PRUNE2: variants seen among roughly 807,000 people sequenced by gnomAD.
The protein encoded by PRUNE2 is prune homolog 2 with BCH domain.
Under a neutral mutation model 252.0 loss-of-function variants are expected in PRUNE2, and 164 were observed. The ratio of observed to expected loss-of-function variants is 0.65; its 90% confidence interval spans 0.57 to 0.74. The LOEUF is 0.74. Among genes scored for constraint, PRUNE2 ranks in the 30% least tolerant of loss-of-function variants. The pLI is 0.00. For synonymous variants in PRUNE2, 1,292 were observed against 1,350.2 expected, an observed-to-expected ratio of 0.96 and a Z score of 0.94; for missense variants, 3,495 against 3,711.0, an observed-to-expected ratio of 0.94 and a Z score of 1.51.
chr9:76,653,156 C>T (rs995937130), intron 10 of PRUNE2, among the ~76,000 whole-genome samples: 2 of 152,090 alleles, frequency 1.3e-5, no homozygotes, highest in African/African-American at 4.8e-5. Context: ...GGTTAGATAA[C>T]TAGTTTTTAG....
intron 12 of PRUNE2, among the ~76,000 whole-genome samples, chr9:76,640,813 A>G (rs906662993): frequency 1.3e-5 from 2 of 152,248 alleles, no homozygotes; most frequent in East Asian, 1.9e-4. Flanking sequence ...ACAGACGTTC[A>G]TTAAAAGAGA....
chr9:76,627,625 C>A (rs1162820528), intron 16 of PRUNE2, among the ~76,000 whole-genome samples: 11 of 152,022 alleles, frequency 7.2e-5, no homozygotes, highest in Non-Finnish European at 2.9e-5. Context: ...TGTGTTCACG[C>A]CCGATATTGC....
intron 9 of PRUNE2, among the ~76,000 whole-genome samples, chr9:76,663,744 T>C (rs2039597129): frequency 6.6e-6 from 1 of 152,246 alleles, no homozygotes; most frequent in Admixed American, 6.5e-5. Flanking sequence ...ACTCCTTGGC[T>C]GTGAATGATG....
At chr9:76,746,621 C>T (rs901083414) in intron 6 of PRUNE2, among the ~76,000 whole-genome samples, 2 of 141,946 alleles carry the variant, frequency 1.4e-5, no homozygotes, top group Admixed American at 7.6e-5. Flanking sequence ...AGGAGAATGG[C>T]GTGAACCCGG....
At chr9:76,811,341 G>C (rs751051477) in intron 6 of PRUNE2, among the ~76,000 whole-genome samples, 1 of 152,168 alleles carries the variant, frequency 6.6e-6, no homozygotes, top group Non-Finnish European at 1.5e-5. Context: ...AAAAAGCTAC[G>C]TCTTAATTCC....
intron 10 of PRUNE2, among the ~76,000 whole-genome samples, chr9:76,655,126 A>G (rs1848716491): frequency 6.6e-6 from 1 of 152,212 alleles, no homozygotes; most frequent in African/African-American, 2.4e-5. Flanking sequence ...CTTAGACATT[A>G]GTCAGAATTT....
rs71354667 is a variant in PRUNE2, at chr9:76,636,973, A to ATGTGTGTG, written c.8964-424_8964-417dup. Reference sequence around the variant, plus strand: ...TCCAACAACAACGACAACAACAAAAATGTGTGTGTGTGTGTGTGTGTGTGT... The same window carrying ATGTGTGTG: ...TCCAACAACAACGACAACAACAAAAATGTGTGTGTGTGTGTGTGTGTGTGTGTGTGTGT... On this transcript the variant is annotated intron_variant, in intron 14 of 18. Coordinates refer to ENST00000376718, the MANE Select transcript of PRUNE2 (RefSeq NM_015225.3). Among the ~76,000 whole-genome samples the ATGTGTGTG allele has an allele frequency of 1.3e-3, 195 of 145,494 alleles. 1 individual carries two copies. Among genetic ancestry groups the ATGTGTGTG allele is most frequent in the African/African-American group, 4.7e-3 (178 of 37,694 alleles).
intron 1 of PRUNE2, among the ~76,000 whole-genome samples, chr9:76,892,665 C>G (rs937341396): frequency 6.6e-6 from 1 of 152,078 alleles, no homozygotes; most frequent in Non-Finnish European, 1.5e-5. Context: ...GCAAGATATA[C>G]AAATATCTTA....
rs527647697 is a variant in PRUNE2 at position 76,854,295 on chromosome 9, T to C, written c.37-87A>G. The C allele has an allele frequency of 4.9e-5, 31 of 628,818 alleles. No individual in the cohort carries two copies. The African/African-American group carries it at 5.7e-4, about 12-fold the overall frequency. The allele number at this position is 628,818 out of a possible 1,614,324, so 39.0% of individuals were successfully genotyped here. A position where few individuals can be genotyped will look rare whatever the true frequency, so the allele number is the denominator to read the frequency against. On this transcript the variant is annotated intron_variant, in intron 1 of 18. Transcript: ENST00000376718. ...TTTAATATTTTAAAAAAGTATGCCTTATCCATATTGATACACAATGGCAGA... is the reference window on the plus strand; with the variant it reads ...TTTAATATTTTAAAAAAGTATGCCTCATCCATATTGATACACAATGGCAGA...
Position 76,850,617 on chromosome 9 carries a change from T to G in PRUNE2, c.190A>C (p.Thr64Pro), listed in dbSNP as rs1273851280. Residue 64 changes from threonine (T) to proline (P), a missense_variant, in exon 3 of 19, where the codon ACT (threonine) becomes CCT (proline). Transcript: ENST00000376718. ...GTCTCGGTGAAGTAGTTGAATTCAG[T>G]TCTTGGTATGTTCAGCACTGGTAAA... ...LCLPVLNIPR[T>P]EFNYFTETRF... The G allele has an allele frequency of 5.0e-6, 8 of 1,613,910 alleles. No individual in the cohort carries two copies. The South Asian group carries it at 8.8e-5, about 18-fold the overall frequency.
Position 76,709,259 on chromosome 9 carries a change from T to C in PRUNE2, c.3015A>G (p.Ala1005=). The C allele has an allele frequency of 6.2e-7, 1 of 1,609,232 alleles. No individual in the cohort carries two copies. Among genetic ancestry groups the C allele is most frequent in the Non-Finnish European group, 8.5e-7 (1 of 1,178,020 alleles). Reference sequence around the variant, plus strand: ...ACTGAGGAGGAATGTCAGTCTCCTCTGCCGTGGAGTTACCATCTTTTGACT... The same window carrying C: ...ACTGAGGAGGAATGTCAGTCTCCTCCGCCGTGGAGTTACCATCTTTTGACT... The part of the protein sequence containing the change: ...GFESKDGNST[A]EETDIPPQSL... Residue 1005 remains alanine (A), a synonymous_variant, in exon 8 of 19, where the codon GCA becomes GCG. Coordinates refer to ENST00000376718, the MANE Select transcript of PRUNE2 (RefSeq NM_015225.3).
At chr9:76,699,407 A>T (rs1401439201) in intron 9 of PRUNE2, among the ~76,000 whole-genome samples, 2 of 152,190 alleles carry the variant, frequency 1.3e-5, no homozygotes. Flanking sequence ...TGTGATTAAC[A>T]TTGAAATAGG....
chr9:76,788,563 A>G, intron 6 of PRUNE2: 1 of 716,272 alleles, frequency 1.4e-6, no homozygotes. Flanking sequence ...GACAACAATG[A>G]CAGTGTGTGG....
intron 9 of PRUNE2, 77 bp downstream of exon 9, chr9:76,703,260 C>T (rs1250781079): frequency 1.5e-5 from 20 of 1,339,218 alleles, no homozygotes; most frequent in Non-Finnish European, 2.0e-5. Context: ...CCTCATATTC[C>T]ATAACCTCTA....
At chr9:76,788,261 G>A (rs974791976) in intron 6 of PRUNE2, 2 of 568,824 alleles carry the variant, frequency 3.5e-6, no homozygotes, top group African/African-American at 1.9e-5. Context: ...GCAACCATCA[G>A]ATGTTAACTC....
intron 1 of PRUNE2, among the ~76,000 whole-genome samples, chr9:76,859,966 A>T (rs2060461893): frequency 6.6e-6 from 1 of 152,022 alleles, no homozygotes; most frequent in Admixed American, 6.6e-5. Context: ...CTCCCAAAGT[A>T]CTGGGATTAC....
chr9:76,856,807 G>A (rs1311583441), intron 1 of PRUNE2, among the ~76,000 whole-genome samples: 1 of 151,632 alleles, frequency 6.6e-6, no homozygotes, highest in Non-Finnish European at 1.5e-5. Flanking sequence ...AGGCTGGAGT[G>A]TAATGGCGTG....
chr9:76,642,140 G>A (rs1482721395), intron 12 of PRUNE2, among the ~76,000 whole-genome samples: 3 of 151,940 alleles, frequency 2.0e-5, no homozygotes, highest in East Asian at 1.9e-4. Context: ...GAGGGACCCC[G>A]TACTGTTGGC....
intron 6 of PRUNE2, among the ~76,000 whole-genome samples, chr9:76,782,497 C>T (rs2054521637): frequency 1.3e-5 from 2 of 152,214 alleles, no homozygotes; most frequent in South Asian, 2.1e-4. Flanking sequence ...AAGACAACTA[C>T]AGCATCTTCT....
Sources: allele counts gnomAD v4.1 joint callset (sites outside exome capture counted in the v4.1 genomes callset), GRCh38; gene constraint gnomAD v4.1.1; transcripts MANE v1.5; gene names NCBI Gene and HGNC (gene_info 2026-07-23, HGNC 2026-07-21).